Variants in VAT1L observed in about 807,000 individuals in gnomAD.
VAT1L encodes vesicle amine transport 1 like.
VAT1L carries 34 observed loss-of-function variants against 44.1 expected under a neutral mutation model. The ratio of observed to expected loss-of-function variants is 0.77; its 90% CI spans 0.59 to 1.03. VAT1L has a LOEUF of 1.03. Ranked by LOEUF, VAT1L falls within the 50% of genes least tolerant of loss-of-function variation. The pLI is 0.00. For missense variants in VAT1L, 615 were observed against 538.8 expected, an observed-to-expected ratio of 1.14 and a Z score of -1.40; for synonymous variants, 253 against 202.2, an observed-to-expected ratio of 1.25 and a Z score of -2.13.
chr16:77,808,349 C>G (rs1023905025), intron 1 of VAT1L, among the ~76,000 whole-genome samples: 9 of 152,100 alleles, frequency 5.9e-5, no homozygotes, highest in African/African-American at 2.2e-4. Flanking sequence ...AACCTCAGGG[C>G]TCCCACTTGA....
chr16:77,872,611 A>C (rs1294323114), intron 4 of VAT1L, among the ~76,000 whole-genome samples: 1 of 152,098 alleles, frequency 6.6e-6, no homozygotes, highest in Non-Finnish European at 1.5e-5. Flanking sequence ...CTCCAGCCAC[A>C]GTGGCTGCTT....
At chr16:77,866,937 G>C (rs906576941) in intron 4 of VAT1L, among the ~76,000 whole-genome samples, 1 of 152,152 alleles carries the variant, frequency 6.6e-6, no homozygotes, top group African/African-American at 2.4e-5. Context: ...GCACTTGAAG[G>C]TTGCGATCGA....
At chr16:77,919,137 C>T (rs1233163832) in intron 7 of VAT1L, among the ~76,000 whole-genome samples, 1 of 151,688 alleles carries the variant, frequency 6.6e-6, no homozygotes, top group Non-Finnish European at 1.5e-5. Flanking sequence ...TGTGTGTGTG[C>T]ATGTGTGTGC....
chr16:77,832,073 C>G (rs904459545), intron 3 of VAT1L, among the ~76,000 whole-genome samples: 3 of 151,410 alleles, frequency 2.0e-5, no homozygotes, highest in Non-Finnish European at 4.4e-5. Context: ...GGCAATCCAC[C>G]AACCTCGGCT....
At chr16:77,927,674 G>T (rs187393107) in intron 7 of VAT1L, among the ~76,000 whole-genome samples, 1 of 152,066 alleles carries the variant, frequency 6.6e-6, no homozygotes, top group East Asian at 2.0e-4. Context: ...TCAGGAGTTC[G>T]AGACCATCCT....
chr16:77,936,871 C>T (rs2017804592), intron 7 of VAT1L, among the ~76,000 whole-genome samples: 16 of 150,506 alleles, frequency 1.1e-4, no homozygotes, highest in Admixed American at 2.6e-4. Flanking sequence ...TGTTTGGTTT[C>T]TTGTTTGTTT....
chr16:77,908,333 G>A (rs1367426574), intron 7 of VAT1L, among the ~76,000 whole-genome samples: 1 of 151,578 alleles, frequency 6.6e-6, no homozygotes, highest in African/African-American at 2.4e-5. Flanking sequence ...GTGGTGGTGA[G>A]TGCCTGTAAT....
At chr16:77,972,518 C>T (rs866856510) in intron 8 of VAT1L, among the ~76,000 whole-genome samples, 17 of 152,270 alleles carry the variant, frequency 1.1e-4, no homozygotes, top group South Asian at 4.1e-4. Context: ...AGGTGGCTAA[C>T]GCCTGTAATC....
chr16:77,967,791 G>A (rs1301743795), intron 7 of VAT1L, among the ~76,000 whole-genome samples: 1 of 152,152 alleles, frequency 6.6e-6, no homozygotes, highest in Non-Finnish European at 1.5e-5. Flanking sequence ...GTTTTCAGAT[G>A]CTAATAACTT....
At chr16:77,790,222 T>C (rs1017189404) in intron 1 of VAT1L, among the ~76,000 whole-genome samples, 35 of 152,128 alleles carry the variant, frequency 2.3e-4, no homozygotes, top group African/African-American at 6.0e-4. Flanking sequence ...TGCTCATATA[T>C]GCAGCTGGTC....
chr16:77,902,987 A>AAAG (rs1271242623), intron 7 of VAT1L, among the ~76,000 whole-genome samples: 4 of 151,478 alleles, frequency 2.6e-5, no homozygotes, highest in East Asian at 1.9e-4. Context: ...AAAAAAAAAA[A>AAAG]AAAGAAAGAA....
intron 7 of VAT1L, among the ~76,000 whole-genome samples, chr16:77,920,092 T>C (rs1006865946): frequency 6.6e-6 from 1 of 151,774 alleles, no homozygotes; most frequent in East Asian, 1.9e-4. Context: ...AAAAAATAAA[T>C]AAATAAAATC....
chr16:77,858,292 G>T (rs977853683), intron 3 of VAT1L, among the ~76,000 whole-genome samples: 4 of 152,198 alleles, frequency 2.6e-5, no homozygotes, highest in Non-Finnish European at 5.9e-5. Context: ...GCCCTGATTG[G>T]AAGAAGAAAG....
intron 1 of VAT1L, among the ~76,000 whole-genome samples, chr16:77,793,041 A>C (rs1019932940): frequency 6.6e-6 from 1 of 152,232 alleles, no homozygotes; most frequent in African/African-American, 2.4e-5. Context: ...AGTAGTCAAA[A>C]AATGGTAACC....
chr16:77,817,509 C>T (rs2016377279), intron 2 of VAT1L, among the ~76,000 whole-genome samples: 1 of 152,092 alleles, frequency 6.6e-6, no homozygotes, highest in African/African-American at 2.4e-5. Context: ...ATTTATAAAT[C>T]CCTAACTACT....
At chr16:77,972,233 G>T (rs903390565) in intron 8 of VAT1L, among the ~76,000 whole-genome samples, 7 of 152,172 alleles carry the variant, frequency 4.6e-5, no homozygotes, top group African/African-American at 1.4e-4. Flanking sequence ...GAAATTCCTG[G>T]AAAATTTCAA....
At chr16:77,837,185 C>G (rs1411964208) in intron 3 of VAT1L, among the ~76,000 whole-genome samples, 3 of 152,090 alleles carry the variant, frequency 2.0e-5, no homozygotes, top group African/African-American at 7.2e-5. Flanking sequence ...TTTTGTTGGT[C>G]GACTTTGCCT....
At chr16:77,796,658 C>T (rs1476225667) in intron 1 of VAT1L, among the ~76,000 whole-genome samples, 1 of 152,200 alleles carries the variant, frequency 6.6e-6, no homozygotes, top group Non-Finnish European at 1.5e-5. Flanking sequence ...CATGGTGGCA[C>T]TCAATAAAGG....
chr16:77,917,316 C>G (rs1023170239), intron 7 of VAT1L, among the ~76,000 whole-genome samples: 2 of 152,076 alleles, frequency 1.3e-5, no homozygotes, highest in Non-Finnish European at 2.9e-5. Flanking sequence ...AAGATGTAGC[C>G]ATTATGTGGA....
Sources: gnomAD v4.1 joint callset for allele counts (sites outside exome capture counted in the v4.1 genomes callset) on GRCh38, gnomAD v4.1.1 for gene constraint, MANE v1.5 for transcripts, NCBI Gene and HGNC (gene_info 2026-07-23, HGNC 2026-07-21) for gene names.